Variants in WDR90 observed in about 807,000 individuals in gnomAD.
WDR90 encodes the protein WD repeat-containing protein 90.
In WDR90, 238 loss-of-function variants were observed where a neutral mutation model predicts 195.2. The observed-to-expected ratio is 1.22, with a 90% CI of 1.10 to 1.36. The LOEUF (loss-of-function observed/expected upper bound fraction) is 1.36, where lower values mean the gene tolerates loss of function less well. WDR90 is among the 40% of genes most tolerant of loss of function. The probability of loss-of-function intolerance (pLI) is 0.00; values close to 1 mark genes in which losing one functional copy is unlikely to be tolerated. For synonymous variants in WDR90, 1,265 were observed against 1,052.4 expected, an observed-to-expected ratio of 1.20 and a Z score of -3.91; for missense variants, 2,734 against 2,439.5, an observed-to-expected ratio of 1.12 and a Z score of -2.54.
Position 649,788 on chromosome 16 carries a change from C to T in WDR90, c.36C>T (p.Val12=), listed in dbSNP as rs756464901. ...CGTGGCAGCACCCGTTCCTCAACGT[C>T]TTCAGACACTTCCGGGTGGACGAGT... ...ARAWQHPFLN[V]FRHFRVDEWK... The change falls in exon 2 of 41, where the codon GTC becomes GTT. Residue 12 remains valine, a synonymous_variant. Transcript: ENST00000293879. 6 of 1,571,910 alleles carry T rather than the reference C, an allele frequency of 3.8e-6. No homozygotes were observed. The highest frequency in any genetic ancestry group is 2.3e-5 in the South Asian group (2 of 86,318).
rs1047354124 is a variant in WDR90, at chr16:658,939, C to T, written c.2939C>T (p.Ser980Phe). The T allele has an allele frequency of 3.7e-6, 6 of 1,612,706 alleles. No homozygotes were observed. Among genetic ancestry groups the T allele is most frequent in the Non-Finnish European group, 5.1e-6 (6 of 1,179,996 alleles). Residue 980 changes from serine (S) to phenylalanine (F), a missense_variant, in exon 24 of 41, where the codon TCT becomes TTT. Coordinates refer to ENST00000293879, the MANE Select transcript of WDR90 (RefSeq NM_145294.5). ...GAACCCGTGCAGGCTGTGGCCTTCT[C>T]TCCTGACCAGCAGCAGGTCCTCAGC... ...HSEPVQAVAF[S>F]PDQQQVLSAG...
At position 656,808 on chromosome 16, in the gene WDR90, G is replaced by A. The variant is rs1426733186; in HGVS notation, c.2279G>A (p.Gly760Asp). The change falls in exon 19 of 41, where the codon GGC (glycine) becomes GAC (aspartate). Residue 760 changes from glycine to aspartate, a missense_variant. Physicochemically the swap from Gly to Asp is moderately conservative, Grantham distance 94 (BLOSUM62 -1). Transcript: ENST00000293879. ...CCCACAAGGCCAACCTTTTTCTGTG[G>A]CTTTAGCAGTGGGGCCGTGCGCTCC... Reference protein sequence around the residue: ...FHPTRPTFFCGFSSGAVRSFS... With the variant: ...FHPTRPTFFCDFSSGAVRSFS... 2 of 1,613,170 alleles carry A rather than the reference G, an allele frequency of 1.2e-6. No homozygotes were observed. Among genetic ancestry groups the A allele is most frequent in the Non-Finnish European group, 1.7e-6 (2 of 1,179,980 alleles).
Position 656,866 on chromosome 16 carries a change from A to T in WDR90, c.2337A>T (p.Glu779Asp). The T allele has an allele frequency of 6.2e-7, 1 of 1,612,472 alleles. No homozygotes were observed. The highest frequency in any genetic ancestry group is 1.7e-5 in the Admixed American group (1 of 59,970). ...TGGAGGCCGCTGAGGTCCTGGTGGA[A>T]CACACGTAAGTGCCCAGCTGGCCAC... ...FSLEAAEVLV[E>D]HTCHRGAVTG... is the part of the protein sequence containing the mutation. The change falls in exon 19 of 41, where the codon GAA (glutamate) becomes GAT (aspartate). Residue 779 changes from glutamate to aspartate, a missense_variant. Glu to Asp is a conservative substitution (Grantham distance 45). Coordinates refer to ENST00000293879, the MANE Select transcript of WDR90 (RefSeq NM_145294.5).
intron 38 of WDR90, 22 bp from the exon 39 acceptor site, chr16:666,651 G>T (rs377387842): frequency 2.5e-6 from 4 of 1,611,620 alleles, no homozygotes; most frequent in Admixed American, 1.7e-5. Context: ...CCACCCCACC[G>T]CAGCATGCTG....
Position 655,882 on chromosome 16 carries a change from G to A in WDR90, c.1959G>A (p.Leu653=), listed in dbSNP as rs2037741498. The part of the protein sequence containing the change: ...LWPLDFSSVL[L]EAEHEGPVSS... ...CCCTGGACTTCTCCTCGGTGCTCCT[G>A]GAGGCAGGTGATGCTGTGGGCACGC... The change falls in exon 17 of 41, where the codon CTG becomes CTA. Residue 653 remains leucine (L), a synonymous_variant. Coordinates refer to ENST00000293879, the MANE Select transcript of WDR90 (RefSeq NM_145294.5). 1 of 1,593,734 alleles carries A rather than the reference G, an allele frequency of 6.3e-7. No individual in the cohort carries two copies. Among genetic ancestry groups the A allele is most frequent in the East Asian group, 2.3e-5 (1 of 44,154 alleles).
In WDR90 at chr16:659,134, G is replaced by T. The variant is rs750317704; in HGVS notation, c.3052+8G>T. ...CCCCAGCCTGCAAGACAGGTGAGTG[G>T]CTGTGCTCAGCTGGGGTGCAGGTGC... On this transcript the variant is annotated splice_region_variant and intron_variant, in intron 25 of 40. Coordinates refer to ENST00000293879, the MANE Select transcript of WDR90 (RefSeq NM_145294.5). 10 of 1,611,208 alleles carry T rather than the reference G, an allele frequency of 6.2e-6. No homozygotes were observed. Among genetic ancestry groups the T allele is most frequent in the Non-Finnish European group, 7.6e-6 (9 of 1,179,826 alleles).
At position 651,268 on chromosome 16, in the gene WDR90, T is replaced by C; in HGVS notation, c.736+2T>C. On this transcript the variant is annotated splice_donor_variant, in intron 7 of 40. Transcript: ENST00000293879. LOFTEE classifies it high-confidence loss of function. Reference sequence around the variant, plus strand: ...AGAGCTGTTCCCCTCCTGAGGCAGGTGGGTCTGGGGGGTCAGCGGGGACCC... The same window carrying C: ...AGAGCTGTTCCCCTCCTGAGGCAGGCGGGTCTGGGGGGTCAGCGGGGACCC... The C allele has an allele frequency of 6.2e-7, 1 of 1,612,678 alleles. No individual in the cohort carries two copies. Among genetic ancestry groups the C allele is most frequent in the Non-Finnish European group, 8.5e-7 (1 of 1,179,868 alleles).
upstream of WDR90, chr16:649,304 C>T: frequency 4.0e-6 from 5 of 1,251,252 alleles, no homozygotes; most frequent in East Asian, 6.3e-5. Flanking sequence ...GCCATGACGG[C>T]GGAAGTAATG....
Position 650,079 on chromosome 16 carries a change from C to T in WDR90, c.191C>T (p.Ser64Phe), listed in dbSNP as rs1335346488. ...YIQLPKSSTQSLGLTGRYLYV... is the reference protein window; with the variant it reads ...YIQLPKSSTQFLGLTGRYLYV... ...CAGCTCCCTAAGAGCAGCACCCAGT[C>T]TCTGGGGCTGACGGGACGATACCTG... The change falls in exon 3 of 41, where the codon TCT becomes TTT. Residue 64 changes from serine to phenylalanine, a missense_variant. Physicochemically the swap from Ser to Phe is radical, Grantham distance 155. Transcript: ENST00000293879. The T allele has an allele frequency of 6.2e-6, 10 of 1,612,942 alleles. No individual in the cohort carries two copies. The highest frequency in any genetic ancestry group is 2.7e-5 in the African/African-American group (2 of 74,952).
chr16:657,240 A>G lies in WDR90; in HGVS notation c.2473+19A>G, dbSNP rs960817301. The G allele has an allele frequency of 2.6e-6, 4 of 1,527,446 alleles. No homozygotes were observed. The African/African-American group carries it at 5.5e-5, about 21-fold the overall frequency. 94.6% of individuals were successfully genotyped at this position (1,527,446 alleles called of 1,614,324 possible). A position where few individuals can be genotyped will look rare whatever the true frequency, so the allele number is the denominator to read the frequency against. On this transcript the variant is annotated intron_variant, in intron 20 of 40. Transcript: ENST00000293879. ...GTGGCAGGTTGGGCCCCCTGCAGCC[A>G]CTCTGGGGGACTCCTCAGGGCGGGG...
In WDR90 at chr16:660,685, G is replaced by C; in HGVS notation, c.3362G>C (p.Arg1121Pro). The change falls in exon 28 of 41, where the codon CGG becomes CCG. Residue 1121 changes from arginine to proline, a missense_variant. Physicochemically the swap from Arg to Pro is moderately radical, Grantham distance 103. Transcript: ENST00000293879. Reference sequence around the variant, plus strand: ...GTCGTCGGTTACAGCGGGAATGGGCGGGCCAACATGGTCTGGAGGCCGGAC... The same window carrying C: ...GTCGTCGGTTACAGCGGGAATGGGCCGGCCAACATGGTCTGGAGGCCGGAC... ...KAVVGYSGNG[R>P]ANMVWRPDTG... The C allele has an allele frequency of 6.3e-7, 1 of 1,578,114 alleles. No homozygotes were observed.
rs1013537159 is a variant in WDR90, at chr16:657,824, C to T, written c.2536C>T (p.Arg846Cys). Residue 846 changes from arginine to cysteine, a missense_variant, in exon 21 of 41, where the codon CGC becomes TGC. Coordinates refer to ENST00000293879, the MANE Select transcript of WDR90 (RefSeq NM_145294.5). ...CGCCCTGGCAGTCAGCAGGGATGGC[C>T]GCCTGCTGGCCTTTGTGGGACCCTC... ...PSALAVSRDG[R>C]LLAFVGPSRC... is the part of the protein sequence containing the mutation. 41 of 1,572,154 alleles carry T rather than the reference C, an allele frequency of 2.6e-5. No individual in the cohort carries two copies. In the East Asian group the frequency reaches 6.1e-4, roughly 23 times the overall value.
At chr16:659,493 C>A in intron 26 of WDR90, 117 bp downstream of exon 26, 3 of 1,354,164 alleles carry the variant, frequency 2.2e-6, no homozygotes, top group Non-Finnish European at 3.0e-6. Flanking sequence ...CATCGCTGCT[C>A]ATCAGGTGGA....
In WDR90 at chr16:661,569, T is replaced by C. The variant is rs200652871; in HGVS notation, c.3674-28T>C. 4.5e-5 allele frequency: 71 copies of C among 1,580,016 alleles called. No individual in the cohort carries two copies. The African/African-American group carries it at 8.1e-4, about 18-fold the overall frequency. ...CCGGGGGGGGCTGCATCTGTGCACC[T>C]GACGTGGCTGCTCTGTGTCCTTCCC... On this transcript the variant is annotated intron_variant, in intron 30 of 40. Transcript: ENST00000293879.
In WDR90 at chr16:650,607, C is replaced by T. The variant is rs1269774202; in HGVS notation, c.457C>T (p.Leu153=). Residue 153 remains leucine, a synonymous_variant, in exon 5 of 41, where the codon CTG becomes TTG. Coordinates refer to ENST00000293879, the MANE Select transcript of WDR90 (RefSeq NM_145294.5). ...CLQLDLQDVL[L]VYLNRCYGHL... ...GCAGCTCGATCTGCAGGACGTTCTCCTGGTCTACCTGAACCGGTGCTACGG... is the reference window on the plus strand; with the variant it reads ...GCAGCTCGATCTGCAGGACGTTCTCTTGGTCTACCTGAACCGGTGCTACGG... The T allele has an allele frequency of 6.2e-7, 1 of 1,612,816 alleles. No homozygotes were observed. Among genetic ancestry groups the T allele is most frequent in the East Asian group, 2.2e-5 (1 of 44,872 alleles).
In WDR90 at chr16:657,776, C is replaced by A. The variant is rs773106942; in HGVS notation, c.2488C>A (p.Pro830Thr). 6.5e-7 allele frequency: 1 copy of A among 1,549,302 alleles called. No homozygotes were observed. Among genetic ancestry groups the A allele is most frequent in the Admixed American group, 2.0e-5 (1 of 50,554 alleles). The change falls in exon 21 of 41, where the codon CCG becomes ACG. Residue 830 changes from proline (P) to threonine (T), a missense_variant. Pro to Thr is a conservative substitution (Grantham distance 38, BLOSUM62 -1). Transcript: ENST00000293879. ...VLRVAADMVC[P>T]DAPASPSALA... ...TGTGGCCACAGCGGACATGGTATGC[C>A]CGGATGCCCCCGCGAGCCCCAGCGC...
chr16:655,631 C>G lies in WDR90; in HGVS notation c.1777C>G (p.Arg593Gly), dbSNP rs368223410. The change falls in exon 16 of 41, where the codon CGG (arginine) becomes GGG (glycine). Residue 593 changes from arginine (R) to glycine (G), a missense_variant. Coordinates refer to ENST00000293879, the MANE Select transcript of WDR90 (RefSeq NM_145294.5). ...GATTGACTGTCAGCGCATGGTCGTG[C>G]GGCATGCCCGCCGCCTGCTCCCCAC... ...LEIDCQRMVV[R>G]HARRLLPTRT... is the part of the protein sequence containing the mutation. The G allele has an allele frequency of 8.1e-6, 13 of 1,608,136 alleles. No individual in the cohort carries two copies. The East Asian group carries it at 2.9e-4, about 36-fold the overall frequency.
At chr16:663,773 G>A (rs1021756923) in intron 34 of WDR90, among the ~76,000 whole-genome samples, 6 of 152,198 alleles carry the variant, frequency 3.9e-5, no homozygotes, top group Non-Finnish European at 7.3e-5. Flanking sequence ...CCCCTCACCC[G>A]CCAGCTGCAG....
intron 14 of WDR90, 47 bp from the exon 15 acceptor site, chr16:655,260 T>G (rs1018419838): frequency 1.2e-6 from 2 of 1,610,830 alleles, no homozygotes; most frequent in Non-Finnish European, 1.7e-6. Flanking sequence ...TCCCGGTGGG[T>G]CAGGGCGCTG....
Sources: gnomAD v4.1 joint callset for allele counts (sites outside exome capture counted in the v4.1 genomes callset) on GRCh38, gnomAD v4.1.1 for gene constraint, MANE v1.5 for transcripts, NCBI Gene and HGNC (gene_info 2026-07-23, HGNC 2026-07-21) for gene names.